COPG2: variants seen among roughly 807,000 people sequenced by gnomAD.
COPG2 encodes the protein coatomer subunit gamma-2.
COPG2 carries 37 observed loss-of-function variants against 46.3 expected under a neutral mutation model. The observed-to-expected ratio is 0.80, with a 90% CI of 0.61 to 1.05. COPG2 has a LOEUF of 1.05. COPG2 is among the 50% of genes least tolerant of loss of function. The probability of loss-of-function intolerance (pLI) is 0.00; values close to 1 mark genes in which losing one functional copy is unlikely to be tolerated. For synonymous variants in COPG2, 159 were observed against 129.7 expected (o/e 1.23, Z -1.53); for missense variants, 427 against 387.8 (o/e 1.10, Z -0.85).
chr7:130,520,126 G>A (rs1799712583), intron 20 of COPG2, among the ~76,000 whole-genome samples: 1 of 152,196 alleles, frequency 6.6e-6, no homozygotes, highest in Admixed American at 6.5e-5. Context: ...TTAACATCCA[G>A]AGAATAATTC....
At chr7:130,595,023 A>T (rs1389482049) in intron 9 of COPG2, among the ~76,000 whole-genome samples, 1 of 152,238 alleles carries the variant, frequency 6.6e-6, no homozygotes, top group Non-Finnish European at 1.5e-5. Flanking sequence ...TATGTACCCC[A>T]AAGAACTGAA....
At chr7:130,511,024 G>C (rs2116329961) in intron 20 of COPG2, 36 of 517,154 alleles carry the variant, frequency 7.0e-5, no homozygotes, top group South Asian at 5.1e-4. Flanking sequence ...CTGAAAATGA[G>C]AGTCAACCAC....
chr7:130,509,865 A>G, intron 20 of COPG2: 1 of 493,698 alleles, frequency 2.0e-6, no homozygotes, highest in Non-Finnish European at 4.1e-6. Context: ...AAAACTGTAA[A>G]AAATGTGAAA....
intron 5 of COPG2, among the ~76,000 whole-genome samples, chr7:130,646,936 T>C (rs1036170153): frequency 7.3e-6 from 1 of 137,594 alleles, no homozygotes; most frequent in South Asian, 2.1e-4. Context: ...TGTGTATATA[T>C]ATATACGTAT....
chr7:130,557,023 G>C (rs1366843088), intron 12 of COPG2, among the ~76,000 whole-genome samples: 2 of 152,142 alleles, frequency 1.3e-5, no homozygotes, highest in Admixed American at 1.3e-4. Context: ...AATGCAATTA[G>C]ATAAGGGAAA....
intron 9 of COPG2, among the ~76,000 whole-genome samples, chr7:130,599,555 TG>T (rs1794596076): frequency 6.6e-6 from 1 of 152,110 alleles, no homozygotes. Context: ...CCCCCTTGTA[TG>T]GAACTCTCTC....
At chr7:130,571,037 A>G (rs1012112689) in intron 9 of COPG2, among the ~76,000 whole-genome samples, 1 of 152,244 alleles carries the variant, frequency 6.6e-6, no homozygotes. Flanking sequence ...CTCACCTTAT[A>G]TAAAAATCAA....
intron 5 of COPG2, among the ~76,000 whole-genome samples, chr7:130,643,503 G>C (rs55794723): frequency 6.6e-6 from 1 of 151,926 alleles, no homozygotes; most frequent in Non-Finnish European, 1.5e-5. Context: ...GTTTATATGG[G>C]GATTAAGATA....
At chr7:130,552,068 G>A (rs1017636985) in intron 15 of COPG2, among the ~76,000 whole-genome samples, 1 of 152,136 alleles carries the variant, frequency 6.6e-6, no homozygotes, top group African/African-American at 2.4e-5. Context: ...ATGGGGCTGG[G>A]AAGAGAAGCT....
chr7:130,614,472 G>A (rs572797669), intron 6 of COPG2, among the ~76,000 whole-genome samples: 2 of 152,260 alleles, frequency 1.3e-5, no homozygotes, highest in African/African-American at 4.8e-5. Context: ...CCAAGCATGG[G>A]TATATAGCTA....
chr7:130,653,693 T>A (rs1795794864), intron 4 of COPG2, among the ~76,000 whole-genome samples: 1 of 152,184 alleles, frequency 6.6e-6, no homozygotes, highest in South Asian at 2.1e-4. Flanking sequence ...CTGTCCAGCC[T>A]CATCCCTTAC....
chr7:130,567,887 TA>T (rs1793829332), intron 9 of COPG2, among the ~76,000 whole-genome samples: 3 of 151,948 alleles, frequency 2.0e-5, no homozygotes, highest in Admixed American at 1.3e-4. Context: ...ACAGGGCCTA[TA>T]AAACAATAAC....
chr7:130,616,079 C>T (rs1554452801), intron 6 of COPG2, among the ~76,000 whole-genome samples: 2 of 152,126 alleles, frequency 1.3e-5, no homozygotes, highest in Non-Finnish European at 2.9e-5. Flanking sequence ...CTTTTTCTGG[C>T]TCTAGGATAA....
At chr7:130,605,583 T>G (rs1794712607) in intron 9 of COPG2, 2 of 398,426 alleles carry the variant, frequency 5.0e-6, no homozygotes, top group East Asian at 1.4e-4. Context: ...GAGAGGCCTT[T>G]AGTTGCTCAT....
intron 20 of COPG2, among the ~76,000 whole-genome samples, chr7:130,510,784 A>C (rs2116329505): frequency 6.6e-6 from 1 of 152,296 alleles, no homozygotes; most frequent in South Asian, 2.1e-4. Context: ...GATCTAAGGA[A>C]GTCTAGGCAG....
chr7:130,577,692 C>A lies in COPG2; in HGVS notation c.738-13299G>T, dbSNP rs1225598241. 2.8e-5 allele frequency among the ~76,000 whole-genome samples: 4 copies of A among 142,716 alleles called. No individual in the cohort carries two copies. The East Asian group carries it at 8.4e-4, about 30-fold the overall frequency. The allele number at this position is 142,716 out of a possible 152,430, so 93.6% of individuals were successfully genotyped here. ...AGGAGAATGGCGTGAACCCGGGAAG[C>A]GGAGCTTGCAGTGAGCCGAGATTGC... On this transcript the variant is annotated intron_variant, in intron 9 of 23. Transcript: ENST00000425248.
intron 9 of COPG2, chr7:130,604,683 G>C (rs1554450958): frequency 5.9e-6 from 3 of 509,970 alleles, no homozygotes; most frequent in Non-Finnish European, 1.2e-5. Context: ...ATTGCACAAA[G>C]TAAGCCTTCT....
At chr7:130,591,618 A>G (rs1192752266) in intron 9 of COPG2, among the ~76,000 whole-genome samples, 20 of 91,026 alleles carry the variant, frequency 2.2e-4, no homozygotes, top group African/African-American at 3.4e-4. Flanking sequence ...TCAGCCCCGC[A>G]CCCGGCCAGC....
chr7:130,541,526 T>C (rs1799937350), intron 20 of COPG2, among the ~76,000 whole-genome samples: 1 of 151,502 alleles, frequency 6.6e-6, no homozygotes, highest in Admixed American at 6.6e-5. Context: ...GGGTGGGAGA[T>C]GAGGACGGGC....
Sources: gnomAD v4.1 joint callset for allele counts (sites outside exome capture counted in the v4.1 genomes callset) on GRCh38, gnomAD v4.1.1 for gene constraint, MANE v1.5 for transcripts, NCBI Gene and HGNC (gene_info 2026-07-23, HGNC 2026-07-21) for gene names.